Variants in AGBL1 observed in about 807,000 individuals in gnomAD.
AGBL1 encodes the protein AGBL carboxypeptidase 1, also known as cytosolic carboxypeptidase 4.
A neutral mutation model predicts 118.9 loss-of-function variants in AGBL1; 130 were observed. That is an observed-to-expected ratio of 1.09 (90% CI 0.95 to 1.26). The LOEUF is 1.26. Ranked by LOEUF, AGBL1 falls within the 50% of genes most tolerant of loss-of-function variation. AGBL1 has a pLI of 0.00. For synonymous variants in AGBL1, 555 were observed against 478.9 expected, an observed-to-expected ratio of 1.16 and a Z score of -2.08; for missense variants, 1,584 against 1,298.1, an observed-to-expected ratio of 1.22 and a Z score of -3.38.
intron 1 of AGBL1, among the ~76,000 whole-genome samples, chr15:86,094,049 T>C (rs1025052001): frequency 5.9e-5 from 9 of 152,060 alleles, no homozygotes; most frequent in African/African-American, 1.9e-4. Context: ...CAAAATGTTA[T>C]ACTCTTTAAA....
intron 21 of AGBL1, among the ~76,000 whole-genome samples, chr15:86,560,489 A>G (rs2083801493): frequency 6.6e-6 from 1 of 152,280 alleles, no homozygotes; most frequent in East Asian, 1.9e-4. Flanking sequence ...TTATAGCTGC[A>G]TAGTATTCCT....
intron 18 of AGBL1, among the ~76,000 whole-genome samples, chr15:86,402,595 G>A (rs1185185800): frequency 6.6e-6 from 1 of 152,166 alleles, no homozygotes; most frequent in East Asian, 1.9e-4. Context: ...ATAAAGATTA[G>A]AGAACCAAAA....
rs1264076663 is a variant in AGBL1, at chr15:86,154,522, C to G, written c.355C>G (p.Leu119Val). The change falls in exon 4 of 23, where the codon CTC becomes GTC. Residue 119 changes from leucine to valine, a missense_variant. Transcript: ENST00000614907. ...RKNLSHGQNL[L>V]HCLWALRVFA... ...GAACCTATCCCATGGCCAGAATCTC[C>G]TCCACTGTCTCTGGGCTCTGCGTGT... is the stretch of plus-strand genomic sequence containing the variant. 1.2e-6 allele frequency: 2 copies of G among 1,612,774 alleles called. No individual in the cohort carries two copies. The highest frequency in any genetic ancestry group is 1.7e-6 in the Non-Finnish European group (2 of 1,179,328).
intron 22 of AGBL1, among the ~76,000 whole-genome samples, chr15:86,799,355 G>A (rs1027706875): frequency 2.6e-5 from 4 of 151,906 alleles, no homozygotes; most frequent in African/African-American, 7.3e-5. Flanking sequence ...ATCTATCCTT[G>A]ATTTCTTGAA....
Position 86,269,994 on chromosome 15 carries a change from C to A in AGBL1, c.1914C>A (p.Ser638Arg). The A allele has an allele frequency of 6.2e-7, 1 of 1,613,442 alleles. No individual in the cohort carries two copies. Among genetic ancestry groups the A allele is most frequent in the East Asian group, 2.2e-5 (1 of 44,872 alleles). The change falls in exon 14 of 23, where the codon AGC becomes AGA. Residue 638 changes from serine (S) to arginine (R), a missense_variant. Transcript: ENST00000614907. ...QHQQWFYFKV[S>R]GMQAAIPYHF... ...AGCAGTGGTTCTATTTCAAAGTGAG[C>A]GGTATGCAGGCGGCCATCCCTTACC...
chr15:86,925,992 AG>A (rs2080534745), intron 23 of AGBL1, among the ~76,000 whole-genome samples: 1 of 151,846 alleles, frequency 6.6e-6, no homozygotes, highest in African/African-American at 2.4e-5. Context: ...AGCCTCCCAA[AG>A]TGCTGGGATT....
intron 22 of AGBL1, among the ~76,000 whole-genome samples, chr15:86,709,508 T>A (rs377028847): frequency 8.5e-5 from 13 of 152,136 alleles, no homozygotes; most frequent in African/African-American, 3.1e-4. Context: ...TGGCTCGAAA[T>A]ATATTTTCCT....
At chr15:86,194,645 G>A (rs2077772397) in intron 5 of AGBL1, among the ~76,000 whole-genome samples, 2 of 152,180 alleles carry the variant, frequency 1.3e-5, no homozygotes. Flanking sequence ...CTGGGTGATA[G>A]CCAACAGGCA....
intron 4 of AGBL1, among the ~76,000 whole-genome samples, chr15:86,156,562 T>A (rs1052599210): frequency 5.3e-5 from 8 of 152,174 alleles, no homozygotes; most frequent in Non-Finnish European, 1.5e-5. Flanking sequence ...ATGGAGCTCA[T>A]AGACTTGGTA....
chr15:86,299,810 A>G (rs1002569344), intron 17 of AGBL1: 3 of 152,058 alleles, frequency 2.0e-5, no homozygotes, highest in African/African-American at 7.2e-5. Context: ...CCAGAATGGG[A>G]TATGTCGGTG....
At chr15:86,765,754 T>C (rs2078089062) in intron 22 of AGBL1, among the ~76,000 whole-genome samples, 1 of 151,568 alleles carries the variant, frequency 6.6e-6, no homozygotes, top group African/African-American at 2.4e-5. Context: ...GTTATCTTAT[T>C]GGAGTATGAA....
intron 18 of AGBL1, among the ~76,000 whole-genome samples, chr15:86,402,155 T>C (rs901318945): frequency 6.6e-6 from 1 of 152,136 alleles, no homozygotes; most frequent in African/African-American, 2.4e-5. Flanking sequence ...CTAGTAGAGA[T>C]ATTTTACCTC....
chr15:86,309,556 C>T (rs1433342356), intron 17 of AGBL1, among the ~76,000 whole-genome samples: 1 of 152,118 alleles, frequency 6.6e-6, no homozygotes, highest in Non-Finnish European at 1.5e-5. Flanking sequence ...CATATTTGGC[C>T]TTTATCATGT....
intron 21 of AGBL1, among the ~76,000 whole-genome samples, chr15:86,568,548 C>T (rs980956544): frequency 1.3e-5 from 2 of 152,332 alleles, no homozygotes; most frequent in African/African-American, 4.8e-5. Context: ...TGAAGCATCT[C>T]ATTAAATGTG....
chr15:86,702,568 A>G (rs899417865), intron 22 of AGBL1, among the ~76,000 whole-genome samples: 12 of 152,146 alleles, frequency 7.9e-5, no homozygotes, highest in Non-Finnish European at 1.2e-4. Flanking sequence ...ATCACTCCAT[A>G]GGAACTACTT....
intron 17 of AGBL1, among the ~76,000 whole-genome samples, chr15:86,315,009 T>C (rs542007569): frequency 6.6e-6 from 1 of 152,298 alleles, no homozygotes; most frequent in African/African-American, 2.4e-5. Context: ...CTTCCTAAGG[T>C]TGTGGTGAGG....
chr15:86,392,411 T>C (rs1309954333), intron 17 of AGBL1, among the ~76,000 whole-genome samples: 1 of 152,200 alleles, frequency 6.6e-6, no homozygotes, highest in African/African-American at 2.4e-5. Context: ...TTTGAAAATA[T>C]CCTGATGAAT....
intron 1 of AGBL1, 72 bp from the exon 2 acceptor site, chr15:86,141,932 C>T: frequency 7.1e-7 from 1 of 1,416,594 alleles, no homozygotes; most frequent in South Asian, 1.3e-5. Flanking sequence ...TCTGCCATTC[C>T]ATGTACATCC....
At chr15:86,711,767 A>G (rs1259032465) in intron 22 of AGBL1, among the ~76,000 whole-genome samples, 2 of 152,156 alleles carry the variant, frequency 1.3e-5, no homozygotes, top group Non-Finnish European at 2.9e-5. Flanking sequence ...CTACAGTGGC[A>G]GAGTATGTGT....
Sources: gnomAD v4.1 joint callset for allele counts (sites outside exome capture counted in the v4.1 genomes callset) on GRCh38, gnomAD v4.1.1 for gene constraint, MANE v1.5 for transcripts, NCBI Gene and HGNC (gene_info 2026-07-23, HGNC 2026-07-21) for gene names.